MRTFB: variants seen among roughly 807,000 people sequenced by gnomAD.
MRTFB encodes myocardin-related transcription factor B.
In MRTFB, 29 loss-of-function variants were observed where a neutral mutation model predicts 104.2. The ratio of observed to expected loss-of-function variants is 0.28; its 90% CI spans 0.21 to 0.38. The LOEUF is 0.38. Among genes scored for constraint, MRTFB ranks in the 10% least tolerant of loss-of-function variants. MRTFB has a pLI of 1.00. For synonymous variants in MRTFB, 535 were observed against 519.5 expected (o/e 1.03, Z -0.41); for missense variants, 1,270 against 1,341.6 (o/e 0.95, Z 0.83).
chr16:14,242,244 AGAG>A (rs2151377416), intron 10 of MRTFB, among the ~76,000 whole-genome samples: 1 of 152,250 alleles, frequency 6.6e-6, no homozygotes, highest in Admixed American at 6.5e-5. Flanking sequence ...AGAATCCATC[AGAG>A]GTGTGGGCTT....
intron 2 of MRTFB, among the ~76,000 whole-genome samples, chr16:14,128,624 A>G (rs897240137): frequency 1.3e-5 from 2 of 152,208 alleles, no homozygotes; most frequent in African/African-American, 4.8e-5. Flanking sequence ...GATCTTAGAT[A>G]TCTTTCCATA....
chr16:14,202,182 T>A (rs2151117580), intron 3 of MRTFB, among the ~76,000 whole-genome samples: 1 of 151,726 alleles, frequency 6.6e-6, no homozygotes, highest in Middle Eastern at 3.5e-3. Context: ...ACTATATAAA[T>A]ACTATTATCT....
the MRTFB span, among the ~76,000 whole-genome samples, chr16:14,043,358 CAGATGGGTCCTATAGAAT>C: frequency 1.3e-5 from 2 of 152,006 alleles, no homozygotes; most frequent in Non-Finnish European, 2.9e-5. Flanking sequence ...AATCAGTTAG[CAGATGGGTCCTATAGAAT>C]GTGTGGTTAA....
At chr16:14,055,076 G>A in the MRTFB span, among the ~76,000 whole-genome samples, 1 of 152,152 alleles carries the variant, frequency 6.6e-6, no homozygotes, top group African/African-American at 2.4e-5. Context: ...TGGAGGCCAG[G>A]TGTGGTGGCT....
At chr16:14,242,134 C>T (rs762422730) in intron 10 of MRTFB, among the ~76,000 whole-genome samples, 1 of 151,992 alleles carries the variant, frequency 6.6e-6, no homozygotes, top group African/African-American at 2.4e-5. Flanking sequence ...GATGAGGACG[C>T]TGTTATAAAA....
At chr16:14,232,321 A>C (rs2042302587) in intron 8 of MRTFB, among the ~76,000 whole-genome samples, 1 of 152,232 alleles carries the variant, frequency 6.6e-6, no homozygotes, top group South Asian at 2.1e-4. Flanking sequence ...TTTCAAAAAA[A>C]TATGCAAGAT....
At chr16:14,249,276 C>G (rs903309640) in intron 13 of MRTFB, among the ~76,000 whole-genome samples, 195 bp downstream of exon 13, 1 of 152,188 alleles carries the variant, frequency 6.6e-6, no homozygotes, top group African/African-American at 2.4e-5. Flanking sequence ...GGAGAAAGAC[C>G]TTTTCATTAC....
chr16:14,167,153 G>T (rs574849105), intron 3 of MRTFB, among the ~76,000 whole-genome samples: 2 of 152,032 alleles, frequency 1.3e-5, no homozygotes, highest in African/African-American at 2.4e-5. Context: ...CTATTTCTCC[G>T]CAGCCTTACC....
intron 2 of MRTFB, among the ~76,000 whole-genome samples, chr16:14,081,146 A>C (rs185362164): frequency 1.3e-5 from 2 of 152,216 alleles, no homozygotes; most frequent in Non-Finnish European, 2.9e-5. Context: ...TTGTCTCTAC[A>C]TTTTTGCCAG....
chr16:14,228,761 C>G (rs1267394561), intron 8 of MRTFB, among the ~76,000 whole-genome samples: 1 of 151,252 alleles, frequency 6.6e-6, no homozygotes, highest in Non-Finnish European at 1.5e-5. Context: ...GAAGCAAATT[C>G]TGCATTCCGT....
chr16:14,150,953 G>A (rs2038584128), intron 3 of MRTFB: 1 of 152,180 alleles, frequency 6.6e-6, no homozygotes, highest in African/African-American at 2.4e-5. Flanking sequence ...TACACATGAT[G>A]AAAAATATGT....
At position 14,261,514 on chromosome 16, in the gene MRTFB, GAGAT is replaced by G. The variant is rs1156452156; in HGVS notation, c.*75_*78del. ...GAAGATTCTAAAAGGTCAGTTTTTA[GAGAT>G]AGATCTATAGTTGCATTGTTGCAAT... On this transcript the variant is annotated 3_prime_UTR_variant, in exon 17 of 17. Coordinates refer to ENST00000571589, the MANE Select transcript of MRTFB (RefSeq NM_001308142.2). The G allele has an allele frequency of 4.1e-4, 577 of 1,421,500 alleles. 3 individuals are homozygous for G. The highest frequency in any genetic ancestry group is 6.9e-5 in the South Asian group (5 of 72,358). The allele number at this position is 1,421,500 out of a possible 1,614,324, so 88.1% of individuals were successfully genotyped here.
intron 1 of MRTFB, among the ~76,000 whole-genome samples, chr16:14,079,051 C>T (rs1209322806): frequency 6.6e-6 from 1 of 152,174 alleles, no homozygotes; most frequent in African/African-American, 2.4e-5. Flanking sequence ...TGCAGTTCTC[C>T]AGGCTTGTTT....
At chr16:14,091,294 A>G (rs923766920) in intron 2 of MRTFB, among the ~76,000 whole-genome samples, 6 of 152,278 alleles carry the variant, frequency 3.9e-5, no homozygotes, top group Admixed American at 2.0e-4. Flanking sequence ...ACCTCACTCA[A>G]ACTATCTTAA....
At chr16:14,010,641 G>C in the MRTFB span, among the ~76,000 whole-genome samples, 2 of 151,912 alleles carry the variant, frequency 1.3e-5, no homozygotes, top group African/African-American at 4.8e-5. Flanking sequence ...GCCTAGGCTG[G>C]TCTCGAACTC....
At chr16:14,061,515 A>G in the MRTFB span, among the ~76,000 whole-genome samples, 1 of 145,852 alleles carries the variant, frequency 6.9e-6, no homozygotes. Flanking sequence ...GACAGCAAAT[A>G]TGGAGCAGGA....
the MRTFB span, among the ~76,000 whole-genome samples, chr16:14,064,697 A>G: frequency 2.0e-5 from 3 of 152,192 alleles, no homozygotes; most frequent in African/African-American, 7.2e-5. Context: ...TTATCATGGC[A>G]CCATTTATTG....
rs763401915 is a variant in MRTFB at position 14,140,621 on chromosome 16, G to A, written c.15G>A (p.Gly5=). The change falls in exon 3 of 17, where the codon GGG becomes GGA. Residue 5 remains glycine (G), a synonymous_variant. Transcript: ENST00000571589. MDHT[G]AIDTEDEVGP... ...GCTGGAACACAATGGATCACACAGGGGCGATAGACACCGAGGATGAAGTGG... is the reference window on the plus strand; with the variant it reads ...GCTGGAACACAATGGATCACACAGGAGCGATAGACACCGAGGATGAAGTGG... The A allele has an allele frequency of 3.1e-6, 5 of 1,614,120 alleles. 1 individual carries two copies. In the South Asian group the frequency reaches 5.5e-5, roughly 18 times the overall value.
the MRTFB span, among the ~76,000 whole-genome samples, chr16:14,017,258 A>G: frequency 1.6e-4 from 24 of 151,774 alleles, no homozygotes; most frequent in East Asian, 3.9e-4. Context: ...GGGTTTCACC[A>G]TGTTAGCCAG....
Sources: gnomAD v4.1 joint callset for allele counts (sites outside exome capture counted in the v4.1 genomes callset) on GRCh38, gnomAD v4.1.1 for gene constraint, MANE v1.5 for transcripts, NCBI Gene and HGNC (gene_info 2026-07-23, HGNC 2026-07-21) for gene names.